The following STAM variants were observed in gnomAD, a reference collection of about 807,000 sequenced individuals.
STAM encodes the protein signal transducing adapter molecule 1.
STAM carries 16 observed loss-of-function variants against 63.4 expected under a neutral mutation model. That is an observed-to-expected ratio of 0.25 (90% CI 0.17 to 0.38). STAM has a LOEUF of 0.38. STAM is among the 10% of genes least tolerant of loss of function. The pLI is 1.00. For missense variants in STAM, 636 were observed against 657.1 expected, an observed-to-expected ratio of 0.97 and a Z score of 0.35; for synonymous variants, 238 against 223.9, an observed-to-expected ratio of 1.06 and a Z score of -0.56.
chr10:17,681,328 T>G (rs937570539), intron 2 of STAM, among the ~76,000 whole-genome samples: 2 of 151,930 alleles, frequency 1.3e-5, no homozygotes, highest in Non-Finnish European at 2.9e-5. Flanking sequence ...TAATTTCCCC[T>G]GTGATTTTTT....
At chr10:17,681,540 A>T (rs1366849150) in intron 2 of STAM, among the ~76,000 whole-genome samples, 6 of 152,174 alleles carry the variant, frequency 3.9e-5, no homozygotes, top group African/African-American at 1.2e-4. Flanking sequence ...AGAATAATAT[A>T]TTGTATTATT....
chr10:17,657,510 A>G (rs879993802), intron 1 of STAM, among the ~76,000 whole-genome samples: 14 of 152,242 alleles, frequency 9.2e-5, no homozygotes, highest in African/African-American at 2.7e-4. Context: ...CTCTGCTTCT[A>G]TATACTGCAA....
At chr10:17,659,463 C>A (rs1332655406) in intron 1 of STAM, among the ~76,000 whole-genome samples, 4 of 107,522 alleles carry the variant, frequency 3.7e-5, no homozygotes, top group Non-Finnish European at 5.3e-5. Flanking sequence ...TTCTCTTCCT[C>A]TTTTTTTTTT....
In STAM at chr10:17,666,598, C is replaced by T. The variant is rs180767480; in HGVS notation, c.125+6050C>T. Among the ~76,000 whole-genome samples, 1,062 of 151,898 alleles carry T rather than the reference C, an allele frequency of 7.0e-3. 9 individuals carry two copies. Among genetic ancestry groups the T allele is most frequent in the African/African-American group, 0.023 (946 of 41,412 alleles). ...ATTTTTAGTAGAGACGGGGTTTCACCGTGTTAGCCAGGATGGTCTCGATAT... is the reference window on the plus strand; with the variant it reads ...ATTTTTAGTAGAGACGGGGTTTCACTGTGTTAGCCAGGATGGTCTCGATAT... On this transcript the variant is annotated intron_variant, in intron 2 of 13. Coordinates refer to ENST00000377524, the MANE Select transcript of STAM (RefSeq NM_003473.4).
rs561416572 is a variant in STAM, at chr10:17,697,677, T to G, written c.823+808T>G. Among the ~76,000 whole-genome samples, 3 of 152,332 alleles carry G rather than the reference T, an allele frequency of 2.0e-5. No individual in the cohort carries two copies. In the South Asian group the frequency reaches 6.2e-4, roughly 32 times the overall value. On this transcript the variant is annotated intron_variant, in intron 8 of 13. Transcript: ENST00000377524. ...ATTGTGCTTTAATGAATCTTCATAA[T>G]GATGAGTTTAGTCATCAAGCAAAGT...
chr10:17,664,958 A>G (rs1029198893), intron 2 of STAM, among the ~76,000 whole-genome samples: 7 of 152,160 alleles, frequency 4.6e-5, no homozygotes, highest in Non-Finnish European at 8.8e-5. Flanking sequence ...ATATAGTAGA[A>G]TCATTTAGAG....
intron 2 of STAM, among the ~76,000 whole-genome samples, chr10:17,679,945 T>C (rs1835011874): frequency 6.6e-6 from 1 of 152,074 alleles, no homozygotes; most frequent in East Asian, 1.9e-4. Flanking sequence ...TCTTTGTTTT[T>C]TGATTCTAAT....
intron 2 of STAM, among the ~76,000 whole-genome samples, chr10:17,683,113 C>G (rs1433514212): frequency 6.6e-6 from 1 of 152,064 alleles, no homozygotes; most frequent in Non-Finnish European, 1.5e-5. Flanking sequence ...TCTGTTTTCT[C>G]TTTCTGTCTT....
rs545652574 is a variant in STAM, at chr10:17,707,953, C to T, written c.1210-823C>T. On this transcript the variant is annotated intron_variant, in intron 12 of 13. Coordinates refer to ENST00000377524, the MANE Select transcript of STAM (RefSeq NM_003473.4). ...TCGCCCAGGCTGGAGTGCAGTGGCG[C>T]GATCTCAGCTCGCTGCCAGCTCCGC... Among the ~76,000 whole-genome samples the T allele has an allele frequency of 2.6e-5, 4 of 151,744 alleles. No individual in the cohort carries two copies. In the East Asian group the frequency reaches 5.8e-4, roughly 22 times the overall value.
At chr10:17,661,872 C>G (rs561689203) in intron 2 of STAM, among the ~76,000 whole-genome samples, 2 of 149,952 alleles carry the variant, frequency 1.3e-5, no homozygotes, top group Non-Finnish European at 3.0e-5. Flanking sequence ...CCCACTATGA[C>G]GTTCCCAAAG....
At position 17,709,862 on chromosome 10, in the gene STAM, C is replaced by T. The variant is rs1455069473; in HGVS notation, c.1385+911C>T. On this transcript the variant is annotated intron_variant, in intron 13 of 13. Coordinates refer to ENST00000377524, the MANE Select transcript of STAM (RefSeq NM_003473.4). ...TGTCAGATCTAGTATCCCGAAGTGACCTTAAGGGGGATGATGGCAAGGCCC... is the reference window on the plus strand; with the variant it reads ...TGTCAGATCTAGTATCCCGAAGTGATCTTAAGGGGGATGATGGCAAGGCCC... Among the ~76,000 whole-genome samples the T allele has an allele frequency of 3.4e-5, 5 of 148,816 alleles. No homozygotes were observed. The East Asian group carries it at 5.9e-4, about 18-fold the overall frequency.
chr10:17,661,979 T>G (rs939016751), intron 2 of STAM, among the ~76,000 whole-genome samples: 1 of 152,260 alleles, frequency 6.6e-6, no homozygotes, highest in Non-Finnish European at 1.5e-5. Flanking sequence ...TTTTAACTAC[T>G]GTGTGTTACA....
At chr10:17,678,648 A>G (rs1486380288) in intron 2 of STAM, among the ~76,000 whole-genome samples, 1 of 152,198 alleles carries the variant, frequency 6.6e-6, no homozygotes, top group African/African-American at 2.4e-5. Flanking sequence ...AAAGTTTACT[A>G]TTTAAATCAT....
At position 17,644,220 on chromosome 10, in the gene STAM, G is replaced by A. The variant is rs1441938065; in HGVS notation, c.-120G>A. 7 of 1,093,036 alleles carry A rather than the reference G, an allele frequency of 6.4e-6. No homozygotes were observed. In the East Asian group the frequency reaches 1.5e-4, roughly 24 times the overall value. 67.7% of individuals were successfully genotyped at this position (1,093,036 alleles called of 1,614,324 possible). On this transcript the variant is annotated 5_prime_UTR_variant, in exon 1 of 14. Transcript: ENST00000377524. ...TTGGGTGAGAGGAGGAGCTGTCGCG[G>A]ACCCTGTAGAGTCGGTCTCTGTTGC...
chr10:17,656,756 T>C (rs1236159164), intron 1 of STAM, among the ~76,000 whole-genome samples: 1 of 152,186 alleles, frequency 6.6e-6, no homozygotes, highest in African/African-American at 2.4e-5. Context: ...GAAGAAAGAA[T>C]TCATCTAAGG....
intron 8 of STAM, 118 bp from the exon 9 acceptor site, chr10:17,700,073 C>CT: frequency 1.5e-6 from 1 of 676,816 alleles, no homozygotes; most frequent in South Asian, 2.6e-5. Flanking sequence ...TTAAATTGCG[C>CT]CTTTTAGCTT....
chr10:17,715,400 T>G lies in STAM; in HGVS notation c.*620T>G. The G allele has an allele frequency of 6.4e-6, 1 of 155,614 alleles. No individual in the cohort carries two copies. The highest frequency in any genetic ancestry group is 1.9e-4 in the South Asian group (1 of 5,154). The allele number at this position is 155,614 out of a possible 1,614,324, so 9.6% of individuals were successfully genotyped here. A position where few individuals can be genotyped will look rare whatever the true frequency, so the allele number is the denominator to read the frequency against. On this transcript the variant is annotated 3_prime_UTR_variant, in exon 14 of 14. Coordinates refer to ENST00000377524, the MANE Select transcript of STAM (RefSeq NM_003473.4). ...TGTGAGCTAAAGAGATATATATATA[T>G]ATGTGTGTGTATATATATATATCTA...
rs1564581707 is a variant in STAM at position 17,716,610 on chromosome 10, T to C, written c.*1830T>C. Among the ~76,000 whole-genome samples, 1 of 152,208 alleles carries C rather than the reference T, an allele frequency of 6.6e-6. No homozygotes were observed. Among genetic ancestry groups the C allele is most frequent in the Non-Finnish European group, 1.5e-5 (1 of 68,042 alleles). ...AATTTTTCTTTGTCTTTTGATAAAT[T>C]CCTGTTTACCAATGTTAAATGTATC... On this transcript the variant is annotated 3_prime_UTR_variant, in exon 14 of 14. Coordinates refer to ENST00000377524, the MANE Select transcript of STAM (RefSeq NM_003473.4).
At chr10:17,704,298 C>T in intron 9 of STAM, 133 bp from the exon 10 acceptor site, 1 of 671,334 alleles carries the variant, frequency 1.5e-6, no homozygotes, top group Non-Finnish European at 2.6e-6. Context: ...ACATGGGACA[C>T]TGACAACATA....
Sources: gnomAD v4.1 joint callset for allele counts (sites outside exome capture counted in the v4.1 genomes callset) on GRCh38, gnomAD v4.1.1 for gene constraint, MANE v1.5 for transcripts, NCBI Gene and HGNC (gene_info 2026-07-23, HGNC 2026-07-21) for gene names.